The following PLEKHS1 variants were observed in gnomAD, a reference collection of about 807,000 sequenced individuals.
PLEKHS1 encodes pleckstrin homology domain containing S1, also known as pleckstrin homology domain-containing family S member 1.
A neutral mutation model predicts 51.0 loss-of-function variants in PLEKHS1; 55 were observed. The observed-to-expected ratio is 1.08, with a 90% CI of 0.87 to 1.35. The LOEUF is 1.35. Ranked by LOEUF, PLEKHS1 falls within the 40% of genes most tolerant of loss-of-function variation. The probability of loss-of-function intolerance (pLI) is 0.00; values close to 1 mark genes in which losing one functional copy is unlikely to be tolerated. For synonymous variants in PLEKHS1, 153 were observed against 144.8 expected, an observed-to-expected ratio of 1.06 and a Z score of -0.41; for missense variants, 398 against 423.0, an observed-to-expected ratio of 0.94 and a Z score of 0.52.
chr10:113,755,699 A>C (rs112105976), intron 2 of PLEKHS1, among the ~76,000 whole-genome samples: 2,583 of 152,326 alleles, frequency 0.017, 78 homozygotes, highest in African/African-American at 0.059. Context: ...GCCACCATGT[A>C]CAGCCCCAGA....
intron 11 of PLEKHS1, chr10:113,777,731 C>A: frequency 3.4e-6 from 5 of 1,482,842 alleles, no homozygotes; most frequent in Non-Finnish European, 4.5e-6. Context: ...CTACAACTGA[C>A]CATGGAATGT....
At chr10:113,758,724 A>G (rs1223247845) in intron 2 of PLEKHS1, among the ~76,000 whole-genome samples, 3 of 152,214 alleles carry the variant, frequency 2.0e-5, no homozygotes, top group Non-Finnish European at 4.4e-5. Flanking sequence ...AGGTCCAAGG[A>G]GAGGAGAGAG....
chr10:113,777,118 C>A lies in PLEKHS1; in HGVS notation c.1091+1252C>A. On this transcript the variant is annotated intron_variant, in intron 11 of 11. Coordinates refer to ENST00000361048, the Ensembl canonical transcript of PLEKHS1. ...ACTGGTATTGGATGTTGTATTCCCA[C>A]TGCAGTGTGTCTCAGTGGGAAGGCC... 1 of 1,612,372 alleles carries A rather than the reference C, an allele frequency of 6.2e-7. No homozygotes were observed. Among genetic ancestry groups the A allele is most frequent in the Non-Finnish European group, 8.5e-7 (1 of 1,179,698 alleles).
At chr10:113,752,746 A>T (rs1445801740) in intron 1 of PLEKHS1, among the ~76,000 whole-genome samples, 2 of 152,024 alleles carry the variant, frequency 1.3e-5, no homozygotes, top group African/African-American at 4.8e-5. Context: ...GTGGGTGGGG[A>T]GATGAAGGAG....
At chr10:113,778,730 G>A (rs1346720891) in intron 11 of PLEKHS1, among the ~76,000 whole-genome samples, 2 of 142,972 alleles carry the variant, frequency 1.4e-5, no homozygotes, top group East Asian at 2.1e-4. Flanking sequence ...TGCAAGCTCC[G>A]CCTGCCGGGT....
At chr10:113,754,497 G>A (rs1002387417) in intron 1 of PLEKHS1, among the ~76,000 whole-genome samples, 4 of 152,118 alleles carry the variant, frequency 2.6e-5, no homozygotes, top group African/African-American at 9.7e-5. Context: ...TTATCCTCAG[G>A]AGTCTTGCTC....
chr10:113,767,869 G>C (rs1015043481), intron 5 of PLEKHS1, among the ~76,000 whole-genome samples: 2 of 152,070 alleles, frequency 1.3e-5, no homozygotes, highest in Non-Finnish European at 2.9e-5. Context: ...TTCACATGGC[G>C]TTCTCCCTGT....
At chr10:113,771,529 G>T (rs565358480) in intron 7 of PLEKHS1, among the ~76,000 whole-genome samples, 54 of 152,066 alleles carry the variant, frequency 3.6e-4, no homozygotes, top group Admixed American at 2.9e-3. Flanking sequence ...ACAAAAATTA[G>T]CTATGCATGG....
chr10:113,752,372 T>C (rs1190331506), intron 1 of PLEKHS1, among the ~76,000 whole-genome samples: 2 of 152,246 alleles, frequency 1.3e-5, no homozygotes, highest in Non-Finnish European at 2.9e-5. Context: ...ATCTTTCATA[T>C]ACATATTGCT....
At chr10:113,768,874 C>A in exon 6 of PLEKHS1, 1 of 1,613,194 alleles carries the variant, frequency 6.2e-7, no homozygotes, top group South Asian at 1.1e-5. Flanking sequence ...ATAAAAGCAA[C>A]ACAGCAGAAC....
At chr10:113,767,717 T>A (rs1356061321) in intron 5 of PLEKHS1, among the ~76,000 whole-genome samples, 1 of 152,188 alleles carries the variant, frequency 6.6e-6, no homozygotes, top group Non-Finnish European at 1.5e-5. Flanking sequence ...ATTTATTGTC[T>A]CACTGTTCCA....
chr10:113,757,140 C>T (rs1178983186), intron 2 of PLEKHS1, among the ~76,000 whole-genome samples: 1 of 152,070 alleles, frequency 6.6e-6, no homozygotes, highest in African/African-American at 2.4e-5. Flanking sequence ...GTCTTGAACG[C>T]CTGACCTCGT....
intron 2 of PLEKHS1, among the ~76,000 whole-genome samples, chr10:113,756,913 C>CTTTTTTTTT (rs397845343): frequency 3.6e-5 from 4 of 109,894 alleles, no homozygotes; most frequent in Non-Finnish European, 3.6e-5. Context: ...TTAGATTGGT[C>CTTTTTTTTT]TTTTTTTTTT....
intron 11 of PLEKHS1, 27 bp from the exon 12 acceptor site, chr10:113,777,097 G>A (rs763279275): frequency 6.2e-7 from 1 of 1,610,972 alleles, no homozygotes; most frequent in Non-Finnish European, 8.5e-7. Context: ...CCTCACACTG[G>A]TATTGGATGT....
At chr10:113,770,509 G>T (rs1010330185) in intron 7 of PLEKHS1, among the ~76,000 whole-genome samples, 1 of 152,140 alleles carries the variant, frequency 6.6e-6, no homozygotes, top group Non-Finnish European at 1.5e-5. Context: ...GAGTGGTTTT[G>T]TTCTCTGGCA....
intron 2 of PLEKHS1, 91 bp from the exon 3 acceptor site, chr10:113,766,320 G>A: frequency 1.3e-6 from 1 of 769,168 alleles, no homozygotes; most frequent in Non-Finnish European, 2.2e-6. Flanking sequence ...TAATCTGAAG[G>A]TCTTTCCAGA....
exon 12 of PLEKHS1, chr10:113,780,754 G>A (rs912140861): frequency 6.4e-7 from 1 of 1,571,904 alleles, no homozygotes; most frequent in African/African-American, 1.3e-5. Context: ...CCATTAAAAA[G>A]AGCCAGCAGA....
At chr10:113,772,534 A>G (rs966978633) in intron 8 of PLEKHS1, among the ~76,000 whole-genome samples, 5 of 152,148 alleles carry the variant, frequency 3.3e-5, no homozygotes, top group Admixed American at 6.5e-5. Context: ...GGAAGCCCTT[A>G]CTGAATGCCT....
intron 11 of PLEKHS1, among the ~76,000 whole-genome samples, chr10:113,778,646 T>C (rs1202982159): frequency 1.4e-5 from 2 of 147,498 alleles, no homozygotes; most frequent in African/African-American, 4.9e-5. Flanking sequence ...TCACTTTCTT[T>C]TTTTTTTTTT....
Sources: gnomAD v4.1 joint callset for allele counts (sites outside exome capture counted in the v4.1 genomes callset) on GRCh38, gnomAD v4.1.1 for gene constraint, MANE v1.5 for transcripts, NCBI Gene and HGNC (gene_info 2026-07-23, HGNC 2026-07-21) for gene names.